Variants in NEK1 observed in about 807,000 individuals in gnomAD.
NEK1 encodes NIMA related kinase 1, also known as serine/threonine-protein kinase Nek1.
A neutral mutation model predicts 182.1 loss-of-function variants in NEK1; 137 were observed. The ratio of observed to expected loss-of-function variants is 0.75; its 90% CI spans 0.65 to 0.87. NEK1 has a LOEUF of 0.87. Ranked by LOEUF, NEK1 falls within the 40% of genes least tolerant of loss-of-function variation. The pLI is 0.00. For missense variants in NEK1, 1,391 were observed against 1,494.4 expected (o/e 0.93, Z 1.14); for synonymous variants, 513 against 492.2 (o/e 1.04, Z -0.56).
intron 27 of NEK1, among the ~76,000 whole-genome samples, chr4:169,454,601 G>A (rs1742487144): frequency 6.6e-6 from 1 of 152,190 alleles, no homozygotes; most frequent in South Asian, 2.1e-4. Context: ...CTGATCATTA[G>A]AGAAATGCAA....
At chr4:169,604,392 A>C (rs4579081) in intron 2 of NEK1, among the ~76,000 whole-genome samples, 42,989 of 152,062 alleles carry the variant, frequency 0.28, 8,635 homozygotes, top group African/African-American at 0.58. Flanking sequence ...TAATGTGTAC[A>C]ACCTATTGGC....
At chr4:169,491,185 A>G (rs982428804) in intron 23 of NEK1, among the ~76,000 whole-genome samples, 4 of 150,222 alleles carry the variant, frequency 2.7e-5, no homozygotes, top group African/African-American at 9.8e-5. Flanking sequence ...AAAGGCACAG[A>G]AGGCTTTTTA....
At chr4:169,609,087 A>G (rs1444675469) in intron 2 of NEK1, among the ~76,000 whole-genome samples, 6 of 151,956 alleles carry the variant, frequency 3.9e-5, no homozygotes, top group Non-Finnish European at 5.9e-5. Context: ...AAGAAGAAGA[A>G]ATACAATTTT....
chr4:169,566,153 C>G (rs1763643417), intron 12 of NEK1, among the ~76,000 whole-genome samples: 1 of 152,012 alleles, frequency 6.6e-6, no homozygotes, highest in African/African-American at 2.4e-5. Context: ...AACATTAATA[C>G]AGCAACTTAA....
intron 19 of NEK1, among the ~76,000 whole-genome samples, chr4:169,526,166 T>C (rs141928130): frequency 2.0e-4 from 31 of 152,308 alleles, no homozygotes; most frequent in African/African-American, 7.0e-4. Context: ...AAAGTTTCAG[T>C]TACCTATACA....
chr4:169,550,143 G>A (rs1472471376), intron 18 of NEK1, among the ~76,000 whole-genome samples: 3 of 152,154 alleles, frequency 2.0e-5, no homozygotes, highest in Non-Finnish European at 4.4e-5. Context: ...ATGATGGCGG[G>A]TCTTTCCTGA....
At chr4:169,560,932 C>T (rs886175133) in intron 16 of NEK1, among the ~76,000 whole-genome samples, 8 of 151,776 alleles carry the variant, frequency 5.3e-5, no homozygotes, top group African/African-American at 1.4e-4. Flanking sequence ...GGAGGTGGGA[C>T]GTGAGGGTGA....
chr4:169,437,471 G>A (rs1738628930), intron 28 of NEK1, among the ~76,000 whole-genome samples: 1 of 152,152 alleles, frequency 6.6e-6, no homozygotes, highest in South Asian at 2.1e-4. Flanking sequence ...CCTTCCCATT[G>A]AGAGGTGGGT....
At chr4:169,608,116 T>TACATAC (rs1771695838) in intron 2 of NEK1, among the ~76,000 whole-genome samples, 1 of 147,998 alleles carries the variant, frequency 6.8e-6, no homozygotes, top group Non-Finnish European at 1.5e-5. Flanking sequence ...CACACACACA[T>TACATAC]ACACACACAC....
chr4:169,453,250 T>C (rs183352036), intron 27 of NEK1, among the ~76,000 whole-genome samples: 2 of 152,346 alleles, frequency 1.3e-5, no homozygotes, highest in East Asian at 1.9e-4. Context: ...AAGTAATTTA[T>C]AGATTCAATG....
Position 169,424,634 on chromosome 4 carries a change from C to G in NEK1, c.3141G>C (p.Ser1047=), listed in dbSNP as rs190807750. The G allele has an allele frequency of 1.2e-6, 2 of 1,613,196 alleles. No individual in the cohort carries two copies. Among genetic ancestry groups the G allele is most frequent in the Admixed American group, 1.7e-5 (1 of 59,956 alleles). ...PEESFAFRSH[S]HLPPKNKNKN... Reference sequence around the variant, plus strand: ...TGTTTTTATTTTTTGGTGGTAAATGCGAGTGAGATCGAAATGCAAAGGATT... The same window carrying G: ...TGTTTTTATTTTTTGGTGGTAAATGGGAGTGAGATCGAAATGCAAAGGATT... The change falls in exon 31 of 36, where the codon TCG becomes TCC. Residue 1047 remains serine, a synonymous_variant. Transcript: ENST00000507142.
chr4:169,393,591 T>C lies in NEK1; in HGVS notation c.*919A>G, dbSNP rs558453619. 1 of 152,264 alleles carries C rather than the reference T, an allele frequency of 6.6e-6. No individual in the cohort carries two copies. Among genetic ancestry groups the C allele is most frequent in the Admixed American group, 6.5e-5 (1 of 15,290 alleles). 9.4% of individuals were successfully genotyped at this position (152,264 alleles called of 1,614,324 possible). A position where few individuals can be genotyped will look rare whatever the true frequency, so the allele number is the denominator to read the frequency against. ...TTAATGACCTAACTAAATCCTCTCATAACAGAAAGAAGTTCAACAGGCAAA... is the reference window on the plus strand; with the variant it reads ...TTAATGACCTAACTAAATCCTCTCACAACAGAAAGAAGTTCAACAGGCAAA... On this transcript the variant is annotated 3_prime_UTR_variant, in exon 36 of 36. Transcript: ENST00000507142.
chr4:169,607,309 T>A (rs560878599), intron 2 of NEK1, among the ~76,000 whole-genome samples: 1 of 152,114 alleles, frequency 6.6e-6, no homozygotes, highest in Admixed American at 6.5e-5. Context: ...AAAACAGATA[T>A]AGACTCACAA....
intron 10 of NEK1, among the ~76,000 whole-genome samples, chr4:169,584,755 T>C (rs975126410): frequency 6.6e-6 from 1 of 152,242 alleles, no homozygotes; most frequent in Non-Finnish European, 1.5e-5. Flanking sequence ...AATAACCTTA[T>C]AGATACATTT....
intron 23 of NEK1, among the ~76,000 whole-genome samples, chr4:169,494,921 C>T (rs561603460): frequency 6.6e-6 from 1 of 152,192 alleles, no homozygotes; most frequent in South Asian, 2.1e-4. Context: ...TGTTCATATC[C>T]TTCGCCCACT....
At chr4:169,556,722 C>A in intron 16 of NEK1, among the ~76,000 whole-genome samples, 3 of 141,304 alleles carry the variant, frequency 2.1e-5, no homozygotes, top group Admixed American at 7.0e-5. Context: ...AAGTGCTGAG[C>A]AAATCCACAA....
intron 18 of NEK1, among the ~76,000 whole-genome samples, chr4:169,543,811 G>A (rs181351496): frequency 2.0e-5 from 3 of 152,320 alleles, no homozygotes; most frequent in East Asian, 3.9e-4. Context: ...AGGGATGCTT[G>A]TGATTTTTGC....
intron 9 of NEK1, among the ~76,000 whole-genome samples, chr4:169,586,906 T>G (rs1317508664): frequency 6.6e-6 from 1 of 152,030 alleles, no homozygotes; most frequent in Non-Finnish European, 1.5e-5. Context: ...CTGGAAGAAC[T>G]GCTTATGAAC....
chr4:169,536,211 C>G (rs1758470664), intron 19 of NEK1, among the ~76,000 whole-genome samples: 1 of 150,300 alleles, frequency 6.7e-6, no homozygotes, highest in African/African-American at 2.5e-5. Flanking sequence ...GCATGAGAAT[C>G]ACTTGAGCCA....
Sources: allele counts gnomAD v4.1 joint callset (sites outside exome capture counted in the v4.1 genomes callset), GRCh38; gene constraint gnomAD v4.1.1; transcripts MANE v1.5; gene names NCBI Gene and HGNC (gene_info 2026-07-23, HGNC 2026-07-21).